PADI2: variants seen among roughly 807,000 people sequenced by gnomAD.
PADI2 encodes the protein peptidyl arginine deiminase 2, also known as protein-arginine deiminase type-2.
PADI2 carries 70 observed loss-of-function variants against 81.1 expected under a neutral mutation model. That is an observed-to-expected ratio of 0.86 (90% CI 0.71 to 1.05). The LOEUF is 1.05. PADI2 is among the 50% of genes least tolerant of loss of function. The probability of loss-of-function intolerance (pLI) is 0.00; values close to 1 mark genes in which losing one functional copy is unlikely to be tolerated. For synonymous variants in PADI2, 338 were observed against 358.0 expected, an observed-to-expected ratio of 0.94 and a Z score of 0.63; for missense variants, 853 against 889.9, an observed-to-expected ratio of 0.96 and a Z score of 0.53.
chr1:17,069,082 T>C lies in PADI2; in HGVS notation c.1960A>G (p.Lys654Glu). The change falls in exon 16 of 16, where the codon AAG (lysine) becomes GAG (glutamate). Residue 654 changes from lysine (K) to glutamate (E), a missense_variant. Lys to Glu is a moderately conservative substitution (Grantham distance 56). Transcript: ENST00000375486. Reference sequence around the variant, plus strand: ...TGCCACCACTTGAAGGTGAAGGGCTTCCTGCGGACGTTGGTGCCACAGTGG... The same window carrying C: ...TGCCACCACTTGAAGGTGAAGGGCTCCCTGCGGACGTTGGTGCCACAGTGG... ...EVHCGTNVRR[K>E]PFTFKWWHMV... 2 of 1,614,238 alleles carry C rather than the reference T, an allele frequency of 1.2e-6. No individual in the cohort carries two copies.
chr1:17,093,933 C>T (rs779337048), intron 4 of PADI2, among the ~76,000 whole-genome samples: 59 of 152,132 alleles, frequency 3.9e-4, no homozygotes, highest in Non-Finnish European at 6.5e-4. Context: ...CTGTCTGGTG[C>T]AGCTGGTGTC....
chr1:17,095,570 C>T (rs1930890184), intron 4 of PADI2, among the ~76,000 whole-genome samples: 3 of 152,146 alleles, frequency 2.0e-5, no homozygotes, highest in African/African-American at 7.2e-5. Flanking sequence ...GTCTGTCTCC[C>T]CCACCTCCCT....
In PADI2 at chr1:17,115,316, G is replaced by A. The variant is rs1037859578; in HGVS notation, c.92+3964C>T. Among the ~76,000 whole-genome samples, 1 of 152,246 alleles carries A rather than the reference G, an allele frequency of 6.6e-6. No individual in the cohort carries two copies. Among genetic ancestry groups the A allele is most frequent in the African/African-American group, 2.4e-5 (1 of 41,466 alleles). On this transcript the variant is annotated intron_variant, in intron 1 of 15. Coordinates refer to ENST00000375486, the MANE Select transcript of PADI2 (RefSeq NM_007365.3). The surrounding 1 kb of genome is among the most constrained non-coding windows in gnomAD (Gnocchi z 4.1). ...CCACCTCCACCTCACAGACGCAGCT[G>A]GAACCTCTGCACAGGCAAAGGGACA...
chr1:17,086,536 C>T lies in PADI2; in HGVS notation c.819G>A (p.Leu273=), dbSNP rs565723082. 4 of 1,613,352 alleles carry T rather than the reference C, an allele frequency of 2.5e-6. No individual in the cohort carries two copies. Among genetic ancestry groups the T allele is most frequent in the Admixed American group, 3.3e-5 (2 of 59,992 alleles). ...GAGCCCTCACCTGGGCCATGTACTC[C>T]AGCAGGCTGACATGGATGGAGACCA... ...SGLVSIHVSL[L]EYMAQDIPLT... is the part of the protein sequence containing the mutation. Residue 273 remains leucine, a synonymous_variant, in exon 7 of 16, where the codon CTG becomes CTA. Coordinates refer to ENST00000375486, the MANE Select transcript of PADI2 (RefSeq NM_007365.3).
Position 17,092,466 on chromosome 1 carries a change from C to A in PADI2, c.597G>T (p.Glu199Asp). Residue 199 changes from glutamate (E) to aspartate (D), a missense_variant, in exon 6 of 16, where the codon GAG becomes GAT. Transcript: ENST00000375486. ...CTGACATGGAAATGTACAGAACTAT[C>A]TCGTATCCGGCGGGGAGGCGGTCGG... is the stretch of plus-strand genomic sequence containing the variant. ...KGPDRLPAGY[E>D]IVLYISMSDS... 6.2e-7 allele frequency: 1 copy of A among 1,606,642 alleles called. No individual in the cohort carries two copies. Among genetic ancestry groups the A allele is most frequent in the Non-Finnish European group, 8.5e-7 (1 of 1,177,240 alleles).
chr1:17,117,909 T>C (rs1041799878), intron 1 of PADI2, among the ~76,000 whole-genome samples: 2 of 152,346 alleles, frequency 1.3e-5, no homozygotes, highest in Admixed American at 1.3e-4. Context: ...CCTCCACTGC[T>C]GTGTTCTTGT....
chr1:17,112,994 G>A (rs895423905), intron 1 of PADI2, among the ~76,000 whole-genome samples: 2 of 152,044 alleles, frequency 1.3e-5, no homozygotes, highest in Admixed American at 1.3e-4. Flanking sequence ...CATGTTCTTG[G>A]TCTCACTCTG....
chr1:17,118,996 G>A (rs1239544496), intron 1 of PADI2, among the ~76,000 whole-genome samples: 1 of 152,180 alleles, frequency 6.6e-6, no homozygotes, highest in Non-Finnish European at 1.5e-5. Context: ...GAGAACTGGA[G>A]AGGGCCAGAC....
intron 1 of PADI2, among the ~76,000 whole-genome samples, chr1:17,105,941 G>T (rs1931359526): frequency 6.6e-6 from 1 of 152,188 alleles, no homozygotes; most frequent in African/African-American, 2.4e-5. Flanking sequence ...AGTTTTGGGA[G>T]CCACAGGGTC....
intron 13 of PADI2, 27 bp from the exon 14 acceptor site, chr1:17,071,518 G>A (rs764292451): frequency 6.3e-7 from 1 of 1,580,482 alleles, no homozygotes; most frequent in Non-Finnish European, 8.7e-7. Flanking sequence ...ACAGGGGATG[G>A]TCAAGCTTTA....
At position 17,075,824 on chromosome 1, in the gene PADI2, C is replaced by T. The variant is rs910874808; in HGVS notation, c.1311-1G>A. The T allele has an allele frequency of 1.9e-6, 3 of 1,613,376 alleles. No individual in the cohort carries two copies. In the African/African-American group the frequency reaches 4.0e-5, roughly 22 times the overall value. On this transcript the variant is annotated splice_acceptor_variant, in intron 11 of 15. Coordinates refer to ENST00000375486, the MANE Select transcript of PADI2 (RefSeq NM_007365.3). LOFTEE classifies it high-confidence loss of function. The stretch of plus-strand genomic sequence containing the variant: ...CTTGGTCATCCTCCGACCACCAGAC[C>T]TGGAGAAGGGAGGAAGAGGAGTTTC...
chr1:17,088,917 A>AC (rs1435448858), intron 6 of PADI2, among the ~76,000 whole-genome samples: 3 of 136,442 alleles, frequency 2.2e-5, no homozygotes, highest in Non-Finnish European at 3.1e-5. Flanking sequence ...AAAAAAAAAA[A>AC]AAAAAAAAAA....
At chr1:17,071,812 A>G (rs3818048) in intron 13 of PADI2, among the ~76,000 whole-genome samples, 91,151 of 152,036 alleles carry the variant, frequency 0.6, 27,732 homozygotes, top group Middle Eastern at 0.7. Context: ...CCTACAGCCT[A>G]CTCCTAAGGA....
intron 13 of PADI2, among the ~76,000 whole-genome samples, chr1:17,072,346 A>G (rs2078269928): frequency 6.6e-6 from 1 of 152,244 alleles, no homozygotes; most frequent in Non-Finnish European, 1.5e-5. Context: ...TTAGGGACTC[A>G]GAAGGGAGGG....
In PADI2 at chr1:17,104,963, T is replaced by C. The variant is rs1931309378; in HGVS notation, c.191A>G (p.Asn64Ser). 6.2e-7 allele frequency: 1 copy of C among 1,609,822 alleles called. No homozygotes were observed. Residue 64 changes from asparagine to serine, a missense_variant, in exon 2 of 16, where the codon AAT becomes AGT. Physicochemically the swap from Asn to Ser is conservative, Grantham distance 46. Transcript: ENST00000375486. ...RDGEAEEVAT[N>S]GKQRWLLSPS... is the part of the protein sequence containing the mutation. ...CGAGAGAAGCCAGCGCTGCTTGCCA[T>C]TGGTGGCCACCTCCTCAGCCTCCCC...
chr1:17,097,080 G>A (rs11811281), intron 3 of PADI2, among the ~76,000 whole-genome samples: 2 of 151,486 alleles, frequency 1.3e-5, no homozygotes, highest in East Asian at 3.9e-4. Flanking sequence ...ATGTGGTTGG[G>A]AAGGTGTTGG....
rs186801618 is a variant in PADI2 at position 17,115,428 on chromosome 1, G to C, written c.92+3852C>G. 1.4e-3 allele frequency among the ~76,000 whole-genome samples: 219 copies of C among 152,344 alleles called. No individual in the cohort carries two copies. Among genetic ancestry groups the C allele is most frequent in the African/African-American group, 5.1e-3 (211 of 41,588 alleles). ...CTGTACACCAGGGAGGAAAAGAAGA[G>C]CCCTGCCTTCTCGAGAACTCTCACT... is the stretch of plus-strand genomic sequence containing the variant. On this transcript the variant is annotated intron_variant, in intron 1 of 15. Transcript: ENST00000375486. This position sits in a 1 kb window ranked among gnomAD's most constrained non-coding sequence, Gnocchi z 4.1.
intron 3 of PADI2, among the ~76,000 whole-genome samples, chr1:17,098,367 T>C (rs1931021366): frequency 6.6e-6 from 1 of 152,182 alleles, no homozygotes; most frequent in African/African-American, 2.4e-5. Flanking sequence ...ATTAAAGCAG[T>C]GGGGCCGTGG....
intron 9 of PADI2, 103 bp downstream of exon 9, chr1:17,083,623 C>T: frequency 1.4e-6 from 1 of 736,156 alleles, no homozygotes; most frequent in East Asian, 2.5e-5. Flanking sequence ...AGAAGAATCC[C>T]CATCTGCAGA....
Sources: gnomAD v4.1 joint callset for allele counts (sites outside exome capture counted in the v4.1 genomes callset) on GRCh38, gnomAD v4.1.1 for gene constraint, Gnocchi (gnomAD v3.1) non-coding constraint, MANE v1.5 for transcripts, NCBI Gene and HGNC (gene_info 2026-07-23, HGNC 2026-07-21) for gene names.